Variants in PDE10A observed in about 807,000 individuals in gnomAD.
PDE10A encodes phosphodiesterase 10A.
PDE10A carries 39 observed loss-of-function variants against 97.7 expected under a neutral mutation model. The ratio of observed to expected loss-of-function variants is 0.40; its 90% CI spans 0.31 to 0.52. The LOEUF is 0.52. Among genes scored for constraint, PDE10A ranks in the 20% least tolerant of loss-of-function variants. The pLI is 0.56. For synonymous variants in PDE10A, 371 were observed against 376.8 expected (o/e 0.98, Z 0.18); for missense variants, 731 against 1,047.8 (o/e 0.70, Z 4.17).
intron 1 of PDE10A, among the ~76,000 whole-genome samples, chr6:165,889,176 A>T (rs954490470): frequency 6.6e-6 from 1 of 152,148 alleles, no homozygotes; most frequent in African/African-American, 2.4e-5. Context: ...CTACCCCTAG[A>T]ACCACATTTT....
At chr6:165,609,813 A>G (rs1158193220) in intron 1 of PDE10A, among the ~76,000 whole-genome samples, 1 of 152,106 alleles carries the variant, frequency 6.6e-6, no homozygotes, top group African/African-American at 2.4e-5. Flanking sequence ...GATGTGAAGG[A>G]CCTCTTCAAG....
intron 1 of PDE10A, among the ~76,000 whole-genome samples, chr6:165,798,565 G>A (rs1437907632): frequency 6.6e-6 from 1 of 152,052 alleles, no homozygotes; most frequent in Non-Finnish European, 1.5e-5. Flanking sequence ...GTACCTAAAG[G>A]CAGGAGTATG....
chr6:165,484,025 T>C (rs1583379676), intron 2 of PDE10A, among the ~76,000 whole-genome samples: 1 of 152,250 alleles, frequency 6.6e-6, no homozygotes, highest in African/African-American at 2.4e-5. Flanking sequence ...TAGGAGCTGA[T>C]TTAGAAAATC....
At chr6:165,787,803 C>G (rs1778535548) in intron 1 of PDE10A, among the ~76,000 whole-genome samples, 1 of 152,196 alleles carries the variant, frequency 6.6e-6, no homozygotes, top group Non-Finnish European at 1.5e-5. Flanking sequence ...ATCCACTCCA[C>G]TGCGAAGTCA....
At chr6:165,920,401 G>A (rs1229456771) in intron 1 of PDE10A, among the ~76,000 whole-genome samples, 1 of 152,130 alleles carries the variant, frequency 6.6e-6, no homozygotes, top group Non-Finnish European at 1.5e-5. Context: ...TCTTCTACAT[G>A]AGTAGCACTT....
At chr6:165,751,185 C>G (rs766748494) in intron 1 of PDE10A, among the ~76,000 whole-genome samples, 51 of 152,206 alleles carry the variant, frequency 3.4e-4, no homozygotes, top group Admixed American at 7.2e-4. Context: ...ATACCAAGCA[C>G]CTTTCCCACT....
At position 165,328,771 on chromosome 6, in the gene PDE10A, AT is replaced by A. The variant is rs1781182687; in HGVS notation, c.*4253del. The A allele has an allele frequency of 6.6e-6, 1 of 152,190 alleles. No homozygotes were observed. Among genetic ancestry groups the A allele is most frequent in the South Asian group, 2.1e-4 (1 of 4,834 alleles). The allele number at this position is 152,190 out of a possible 1,614,324, so 9.4% of individuals were successfully genotyped here. ...TGACACTTTTTAATTTTTTCTTGCTATTTTTATCATATAAAATGCTTCCAAC... is the reference window on the plus strand; with the variant it reads ...TGACACTTTTTAATTTTTTCTTGCTATTTTATCATATAAAATGCTTCCAAC... On this transcript the variant is annotated 3_prime_UTR_variant, in exon 22 of 22. Coordinates refer to ENST00000539869, the MANE Select transcript of PDE10A (RefSeq NM_001385079.1).
intron 1 of PDE10A, among the ~76,000 whole-genome samples, chr6:165,708,115 G>C (rs1214163674): frequency 6.6e-6 from 1 of 152,142 alleles, no homozygotes; most frequent in Non-Finnish European, 1.5e-5. Flanking sequence ...GCACGTGCTG[G>C]CTCCACTCCT....
In PDE10A at chr6:165,873,718, A is replaced by G. The variant is rs1781262741; in HGVS notation, c.-615+113811T>C. Among the ~76,000 whole-genome samples, 3 of 152,334 alleles carry G rather than the reference A, an allele frequency of 2.0e-5. No homozygotes were observed. The South Asian group carries it at 6.2e-4, about 32-fold the overall frequency. On this transcript the variant is annotated intron_variant, in intron 1 of 19. Coordinates refer to the PDE10A transcript ENST00000366882. ...GTGAAGGATGCATTTTAAAACTTAG[A>G]TGCAAAAAAAATTGCCCTTTTTAAT...
At chr6:165,589,912 T>G (rs1786150451) in intron 1 of PDE10A, among the ~76,000 whole-genome samples, 1 of 152,218 alleles carries the variant, frequency 6.6e-6, no homozygotes, top group Non-Finnish European at 1.5e-5. Context: ...CCTTTAAATA[T>G]AAATTTCATT....
intron 1 of PDE10A, among the ~76,000 whole-genome samples, chr6:165,760,356 C>T (rs1263496001): frequency 6.6e-6 from 1 of 152,316 alleles, no homozygotes; most frequent in African/African-American, 2.4e-5. Flanking sequence ...AAAAACCAGA[C>T]ACGTGACTCC....
chr6:165,881,408 T>C (rs1043780143), intron 1 of PDE10A, among the ~76,000 whole-genome samples: 10 of 145,994 alleles, frequency 6.8e-5, no homozygotes, highest in African/African-American at 2.3e-4. Context: ...TTTTTTTTTT[T>C]TTTTTTGAGA....
At chr6:165,352,111 C>T (rs868863586) in intron 18 of PDE10A, among the ~76,000 whole-genome samples, 6 of 152,316 alleles carry the variant, frequency 3.9e-5, no homozygotes, top group Middle Eastern at 3.4e-3. Context: ...ACCTTGGCCT[C>T]CCAAAGTGCT....
At chr6:165,898,064 C>T (rs370203767) in intron 1 of PDE10A, among the ~76,000 whole-genome samples, 76 of 151,042 alleles carry the variant, frequency 5.0e-4, no homozygotes, top group African/African-American at 1.6e-3. Context: ...TCCCCTCTGT[C>T]TCCCCCTCCT....
chr6:165,905,392 G>A (rs779463641), intron 1 of PDE10A, among the ~76,000 whole-genome samples: 13 of 151,864 alleles, frequency 8.6e-5, no homozygotes, highest in South Asian at 2.1e-4. Flanking sequence ...AAAGCAATTC[G>A]ACCCTTAAAA....
At chr6:165,341,862 C>T (rs566441289) in intron 19 of PDE10A, among the ~76,000 whole-genome samples, 19 of 152,234 alleles carry the variant, frequency 1.2e-4, no homozygotes, top group African/African-American at 3.6e-4. Context: ...ACTGGAGAGA[C>T]GAATAGCTCA....
Position 165,476,935 on chromosome 6 carries a change from T to C in PDE10A, c.1023+5380A>G, listed in dbSNP as rs535880234. On this transcript the variant is annotated intron_variant, in intron 3 of 21. Transcript: ENST00000539869. ...CAGCATCCAAATACTCTTCCTATTC[T>C]GACATTTTTATCTCCCTGTTCTTGT... 1.6e-4 allele frequency among the ~76,000 whole-genome samples: 24 copies of C among 152,334 alleles called. No individual in the cohort carries two copies. In the South Asian group the frequency reaches 1.9e-3, roughly 12 times the overall value.
intron 2 of PDE10A, among the ~76,000 whole-genome samples, chr6:165,536,276 A>C (rs1319017160): frequency 6.6e-6 from 1 of 151,920 alleles, no homozygotes; most frequent in Non-Finnish European, 1.5e-5. Flanking sequence ...AAGAATGATA[A>C]AGTACACCCC....
chr6:165,461,267 T>C (rs1010226674), intron 3 of PDE10A, among the ~76,000 whole-genome samples: 4 of 152,206 alleles, frequency 2.6e-5, no homozygotes, highest in African/African-American at 7.2e-5. Context: ...TAATTAGTCA[T>C]AGATTTAAAA....
Sources: allele counts gnomAD v4.1 joint callset (sites outside exome capture counted in the v4.1 genomes callset), GRCh38; gene constraint gnomAD v4.1.1; transcripts MANE v1.5; gene names NCBI Gene and HGNC (gene_info 2026-07-23, HGNC 2026-07-21).